The following STK32B variants were observed in gnomAD, a reference collection of about 807,000 sequenced individuals.
The protein encoded by STK32B is serine/threonine-protein kinase 32B.
Under a neutral mutation model 52.6 loss-of-function variants are expected in STK32B, and 43 were observed. The ratio of observed to expected loss-of-function variants is 0.82; its 90% CI spans 0.64 to 1.05. The LOEUF (loss-of-function observed/expected upper bound fraction) is 1.05, where lower values mean the gene tolerates loss of function less well. STK32B is among the 50% of genes least tolerant of loss of function. STK32B has a pLI of 0.00. For missense variants in STK32B, 621 were observed against 534.6 expected (o/e 1.16, Z -1.59); for synonymous variants, 238 against 204.3 (o/e 1.17, Z -1.41).
At chr4:5,490,794 A>C (rs902308637) in intron 11 of STK32B, among the ~76,000 whole-genome samples, 2 of 152,190 alleles carry the variant, frequency 1.3e-5, no homozygotes, top group Middle Eastern at 3.4e-3. Flanking sequence ...TCATTGTTCA[A>C]TTCCCAACTA....
chr4:5,159,167 C>T (rs567707283), intron 2 of STK32B, among the ~76,000 whole-genome samples: 2 of 152,330 alleles, frequency 1.3e-5, no homozygotes, highest in South Asian at 4.1e-4. Context: ...ACGGCTGGGA[C>T]ACCGTAGAGC....
At chr4:5,066,063 G>A (rs1480466316) in intron 1 of STK32B, among the ~76,000 whole-genome samples, 3 of 152,076 alleles carry the variant, frequency 2.0e-5, no homozygotes, top group East Asian at 1.9e-4. Flanking sequence ...ATTTCTCCTC[G>A]GATTTCCAAA....
chr4:5,480,526 T>A (rs67946659), intron 11 of STK32B, among the ~76,000 whole-genome samples: 13,992 of 152,120 alleles, frequency 0.092, 1,149 homozygotes, highest in African/African-American at 0.22. Flanking sequence ...TCTGAAGACT[T>A]GGGATCAATG....
At chr4:5,431,287 A>G (rs929531204) in intron 6 of STK32B, among the ~76,000 whole-genome samples, 24 of 152,222 alleles carry the variant, frequency 1.6e-4, no homozygotes, top group African/African-American at 5.5e-4. Context: ...TTGGTTTTTT[A>G]TAGCAAGTTC....
At chr4:5,271,690 T>A (rs551901064) in intron 3 of STK32B, among the ~76,000 whole-genome samples, 1 of 146,838 alleles carries the variant, frequency 6.8e-6, no homozygotes, top group African/African-American at 2.7e-5. Context: ...TGAGCAGTGG[T>A]TTGTAGTTCT....
At chr4:5,427,076 C>T (rs1318609146) in intron 6 of STK32B, 3 of 152,172 alleles carry the variant, frequency 2.0e-5, no homozygotes, top group African/African-American at 7.2e-5. Context: ...TTCCCTTCTA[C>T]TTCCAATTTA....
the STK32B span, among the ~76,000 whole-genome samples, chr4:5,044,548 T>C: frequency 6.6e-6 from 1 of 152,206 alleles, no homozygotes; most frequent in Admixed American, 6.5e-5. Flanking sequence ...CTTTGACTCA[T>C]CTTTTTCCTT....
chr4:5,455,399 G>A (rs1003171344), intron 7 of STK32B, among the ~76,000 whole-genome samples: 13 of 152,208 alleles, frequency 8.5e-5, no homozygotes, highest in African/African-American at 1.9e-4. Context: ...CAGTGCAAGC[G>A]GATCATGCTT....
intron 3 of STK32B, among the ~76,000 whole-genome samples, chr4:5,242,418 G>A (rs1427771791): frequency 6.6e-6 from 1 of 152,082 alleles, no homozygotes; most frequent in Non-Finnish European, 1.5e-5. Context: ...ACTTTTTGAT[G>A]GGGTTGTTTG....
chr4:5,058,557 TTTTTG>T lies in STK32B; in HGVS notation c.52+6656_52+6660del, dbSNP rs1341548873. Among the ~76,000 whole-genome samples the T allele has an allele frequency of 1.3e-5, 2 of 151,980 alleles. No individual in the cohort carries two copies. The highest frequency in any genetic ancestry group is 2.9e-5 in the Non-Finnish European group (2 of 68,002). On this transcript the variant is annotated intron_variant, in intron 1 of 11. Coordinates refer to ENST00000282908, the MANE Select transcript of STK32B (RefSeq NM_018401.3). The surrounding 1 kb of genome is among the most constrained non-coding windows in gnomAD (Gnocchi z 4.8). ...GTGGGACAGACTCTTTTCCCATCTT[TTTTTG>T]TTTTGTTTTGTTTGTTTGTTTTTGA... is the stretch of plus-strand genomic sequence containing the variant.
chr4:5,112,248 T>A (rs564676748), intron 1 of STK32B, among the ~76,000 whole-genome samples: 1 of 152,244 alleles, frequency 6.6e-6, no homozygotes, highest in South Asian at 2.1e-4. Context: ...ATTGTATTTG[T>A]CAGCATTCTC....
At chr4:5,490,959 A>C (rs1352828865) in intron 11 of STK32B, among the ~76,000 whole-genome samples, 1 of 152,130 alleles carries the variant, frequency 6.6e-6, no homozygotes, top group Admixed American at 6.5e-5. Flanking sequence ...ACATTTTCTT[A>C]ATCCAGTCTA....
chr4:5,134,953 C>CGTGCTA (rs1715989592), intron 1 of STK32B, among the ~76,000 whole-genome samples: 1 of 152,166 alleles, frequency 6.6e-6, no homozygotes, highest in Admixed American at 6.5e-5. Context: ...ATGTTGAAAG[C>CGTGCTA]GTGCTATGAA....
chr4:5,174,202 T>C (rs4295203), intron 3 of STK32B, among the ~76,000 whole-genome samples: 129,034 of 152,082 alleles, frequency 0.85, 54,870 homozygotes, highest in East Asian at 0.98. Flanking sequence ...TGTCTCTGCA[T>C]GTGAGATGGG....
intron 2 of STK32B, among the ~76,000 whole-genome samples, chr4:5,158,950 A>G (rs1424037563): frequency 2.6e-5 from 4 of 152,200 alleles, no homozygotes; most frequent in Non-Finnish European, 1.5e-5. Context: ...AGCTTAGCCC[A>G]TGGCACCAAC....
chr4:5,444,526 G>C (rs891696761), intron 6 of STK32B, among the ~76,000 whole-genome samples: 2 of 152,250 alleles, frequency 1.3e-5, no homozygotes, highest in East Asian at 1.9e-4. Context: ...AGATGAACCC[G>C]GTACCTCAGA....
intron 4 of STK32B, among the ~76,000 whole-genome samples, chr4:5,362,748 C>T (rs1029537651): frequency 6.6e-6 from 1 of 152,176 alleles, no homozygotes; most frequent in Admixed American, 6.5e-5. Context: ...GGGGTGAATA[C>T]CCTGAATCCT....
intron 11 of STK32B, among the ~76,000 whole-genome samples, chr4:5,478,792 C>T (rs1263395165): frequency 2.6e-5 from 4 of 152,192 alleles, no homozygotes; most frequent in Admixed American, 1.3e-4. Flanking sequence ...CCTCAATCAC[C>T]GGGCTGCCTT....
chr4:5,256,555 T>C (rs1176658327), intron 3 of STK32B, among the ~76,000 whole-genome samples: 5 of 152,206 alleles, frequency 3.3e-5, no homozygotes, highest in Non-Finnish European at 7.3e-5. Flanking sequence ...AAAGCATTAC[T>C]TGCTCTCTGA....
Sources: gnomAD v4.1 joint callset for allele counts (sites outside exome capture counted in the v4.1 genomes callset) on GRCh38, gnomAD v4.1.1 for gene constraint, Gnocchi (gnomAD v3.1) non-coding constraint, MANE v1.5 for transcripts, NCBI Gene and HGNC (gene_info 2026-07-23, HGNC 2026-07-21) for gene names.